NUP98: variants seen among roughly 807,000 people sequenced by gnomAD.
NUP98 encodes nuclear pore complex protein Nup98-Nup96.
NUP98 carries 26 observed loss-of-function variants against 191.9 expected under a neutral mutation model. That is an observed-to-expected ratio of 0.14 (90% CI 0.10 to 0.19). NUP98 has a LOEUF of 0.19. Ranked by LOEUF, NUP98 falls within the 10% of genes least tolerant of loss-of-function variation. The pLI is 1.00. For missense variants in NUP98, 1,941 were observed against 2,178.8 expected, an observed-to-expected ratio of 0.89 and a Z score of 2.17; for synonymous variants, 808 against 778.4, an observed-to-expected ratio of 1.04 and a Z score of -0.63.
chr11:3,775,097 C>T, intron 5 of NUP98, among the ~76,000 whole-genome samples: 1 of 152,104 alleles, frequency 6.6e-6, no homozygotes, highest in South Asian at 2.1e-4. Flanking sequence ...CCACCCAATC[C>T]CTCTCAAAAA....
At chr11:3,795,917 T>C (rs2082522961) in intron 1 of NUP98, among the ~76,000 whole-genome samples, 3 of 152,212 alleles carry the variant, frequency 2.0e-5, no homozygotes, top group African/African-American at 7.2e-5. Context: ...AGTAACAATC[T>C]TACTGATGTG....
At chr11:3,735,382 A>C in intron 12 of NUP98, 58 bp from the exon 13 acceptor site, 5 of 964,070 alleles carry the variant, frequency 5.2e-6, no homozygotes, top group Non-Finnish European at 6.8e-6. Context: ...GCAAGGATAC[A>C]ATGCATTTGT....
intron 14 of NUP98, among the ~76,000 whole-genome samples, chr11:3,728,572 A>G (rs2079710028): frequency 6.6e-6 from 1 of 151,636 alleles, no homozygotes; most frequent in Admixed American, 6.6e-5. Flanking sequence ...TGTCTCTACT[A>G]AAAAAAATAC....
At chr11:3,787,826 T>C (rs928097302) in intron 1 of NUP98, among the ~76,000 whole-genome samples, 6 of 152,136 alleles carry the variant, frequency 3.9e-5, no homozygotes, top group Non-Finnish European at 8.8e-5. Context: ...ACCCCGTCTC[T>C]ACTGAAAATA....
chr11:3,683,447 G>A lies in NUP98; in HGVS notation c.4677-6C>T, dbSNP rs905310232. On this transcript the variant is annotated splice_polypyrimidine_tract_variant and splice_region_variant and intron_variant, in intron 29 of 32. Coordinates refer to ENST00000324932, the MANE Select transcript of NUP98 (RefSeq NM_016320.5). Reference sequence around the variant, plus strand: ...GAACAGCCTTCTCACGTATGCTACAGGGAGAGATAAGCTAGAATAAATCCC... The same window carrying A: ...GAACAGCCTTCTCACGTATGCTACAAGGAGAGATAAGCTAGAATAAATCCC... 3.1e-6 allele frequency: 5 copies of A among 1,613,964 alleles called. No individual in the cohort carries two copies. Among genetic ancestry groups the A allele is most frequent in the Admixed American group, 1.7e-5 (1 of 60,002 alleles).
At chr11:3,703,407 A>G (rs932830555) in intron 22 of NUP98, among the ~76,000 whole-genome samples, 2 of 152,022 alleles carry the variant, frequency 1.3e-5, no homozygotes, top group African/African-American at 4.8e-5. Flanking sequence ...TAGTAGAGAC[A>G]GAGTTTCACC....
At chr11:3,702,259 G>T (rs10767513) in intron 23 of NUP98, among the ~76,000 whole-genome samples, 82,251 of 146,648 alleles carry the variant, frequency 0.56, 24,582 homozygotes, top group African/African-American at 0.79. Context: ...CACACACACC[G>T]GGGAAACAGA....
At chr11:3,787,061 G>C (rs956059295) in intron 1 of NUP98, among the ~76,000 whole-genome samples, 3 of 152,098 alleles carry the variant, frequency 2.0e-5, no homozygotes, top group Non-Finnish European at 2.9e-5. Context: ...AAAAATACTA[G>C]AAGAGCCAGG....
Position 3,693,278 on chromosome 11 carries a change from G to T in NUP98, c.4265C>A (p.Thr1422Lys). ...GCTGAGCGCCCTAGAAATGGAGGCT[G>T]TTGGTGGAAGCAAATACCAAAGATG... The part of the protein sequence containing the change: ...AIHLWYLLPP[T>K]ASISRALSMY... Residue 1422 changes from threonine to lysine, a missense_variant, in exon 27 of 33, where the codon ACA (threonine) becomes AAA (lysine). Thr to Lys is a moderately conservative substitution (Grantham distance 78, BLOSUM62 -1). This residue lies in a region of NUP98 where 1,030 missense variants were observed against 1,115.8 expected (regional missense o/e 0.92). Transcript: ENST00000324932. 2 of 1,614,202 alleles carry T rather than the reference G, an allele frequency of 1.2e-6. No individual in the cohort carries two copies. The highest frequency in any genetic ancestry group is 1.7e-6 in the Non-Finnish European group (2 of 1,180,036).
chr11:3,775,769 C>T (rs1242651332), intron 5 of NUP98, 113 bp downstream of exon 5: 9 of 939,452 alleles, frequency 9.6e-6, no homozygotes, highest in East Asian at 7.3e-5. Flanking sequence ...TTTAACACAT[C>T]GTTCAGGCAG....
Position 3,702,831 on chromosome 11 carries a change from C to T in NUP98, c.3144G>A (p.Val1048=). The change falls in exon 23 of 33, where the codon GTG becomes GTA. Residue 1048 remains valine, a synonymous_variant. Transcript: ENST00000324932. ...SGAFLSPSVS[V]QECRTPRAAS... Reference sequence around the variant, plus strand: ...CTGCTCTGGGAGTACGACATTCTTGCACAGAGACACTTGGTGAAAGAAAAG... The same window carrying T: ...CTGCTCTGGGAGTACGACATTCTTGTACAGAGACACTTGGTGAAAGAAAAG... The T allele has an allele frequency of 6.2e-7, 1 of 1,614,026 alleles. No homozygotes were observed. The highest frequency in any genetic ancestry group is 1.3e-5 in the African/African-American group (1 of 75,004).
At position 3,676,631 on chromosome 11, in the gene NUP98, G is replaced by T; in HGVS notation, c.5074-11C>A. On this transcript the variant is annotated splice_polypyrimidine_tract_variant and intron_variant, in intron 31 of 32. Coordinates refer to ENST00000324932, the MANE Select transcript of NUP98 (RefSeq NM_016320.5). ...ACCTGAGCAATCCACCTACAAAGAA[G>T]CAGAGAAGCCAATTAATCCAAGGGG... The T allele has an allele frequency of 6.2e-7, 1 of 1,601,380 alleles. No homozygotes were observed. The highest frequency in any genetic ancestry group is 8.6e-7 in the Non-Finnish European group (1 of 1,168,522).
chr11:3,773,670 T>C lies in NUP98; in HGVS notation c.565A>G (p.Ile189Val). 2 of 1,612,914 alleles carry C rather than the reference T, an allele frequency of 1.2e-6. No individual in the cohort carries two copies. Among genetic ancestry groups the C allele is most frequent in the East Asian group, 2.2e-5 (1 of 44,830 alleles). Residue 189 changes from isoleucine to valine, a missense_variant, in exon 6 of 33, where the codon ATT becomes GTT. Physicochemically the swap from Ile to Val is conservative, Grantham distance 29. Transcript: ENST00000324932. Reference protein sequence around the residue: ...STNISTKHQCITAMKEYESKS... With the variant: ...STNISTKHQCVTAMKEYESKS... ...CTTTCATATTCTTTCATAGCAGTAA[T>C]ACACTGGTGCTTGGTACTTATGTTA...
At chr11:3,773,606 G>T in intron 6 of NUP98, 26 bp downstream of exon 6, 1 of 1,351,762 alleles carries the variant, frequency 7.4e-7, no homozygotes, top group South Asian at 1.3e-5. Flanking sequence ...AGGTTAGACT[G>T]ACATTCTGTA....
At chr11:3,735,675 T>C (rs770970456) in intron 12 of NUP98, among the ~76,000 whole-genome samples, 2 of 151,946 alleles carry the variant, frequency 1.3e-5, no homozygotes, top group Non-Finnish European at 1.5e-5. Context: ...TAAAAAGCCA[T>C]AGTCTTTGAC....
intron 8 of NUP98, among the ~76,000 whole-genome samples, chr11:3,765,720 G>C (rs1261902681): frequency 2.7e-5 from 4 of 150,058 alleles, no homozygotes. Context: ...AGAATCGCTT[G>C]AACCCAGGAG....
At chr11:3,769,815 C>G (rs577758141) in intron 7 of NUP98, among the ~76,000 whole-genome samples, 1 of 151,856 alleles carries the variant, frequency 6.6e-6, no homozygotes, top group South Asian at 2.1e-4. Flanking sequence ...GAGGCCGAGG[C>G]GGGTGGATCA....
chr11:3,739,984 C>CAT (rs535242556), intron 12 of NUP98, among the ~76,000 whole-genome samples: 4 of 152,120 alleles, frequency 2.6e-5, no homozygotes, highest in Non-Finnish European at 4.4e-5. Context: ...GTACGTACTA[C>CAT]ATATAATATA....
At chr11:3,782,910 C>T (rs1279168526) in intron 1 of NUP98, among the ~76,000 whole-genome samples, 2 of 152,130 alleles carry the variant, frequency 1.3e-5, no homozygotes, top group Non-Finnish European at 2.9e-5. Flanking sequence ...CCCCTACCTT[C>T]GAGGGATATA....
Sources: gnomAD v4.1 joint callset for allele counts (sites outside exome capture counted in the v4.1 genomes callset) on GRCh38, gnomAD v4.1.1 for gene constraint, gnomAD v4.1.1 regional missense constraint, MANE v1.5 for transcripts, NCBI Gene and HGNC (gene_info 2026-07-23, HGNC 2026-07-21) for gene names.